PCDH11X: variants seen among roughly 807,000 people sequenced by gnomAD.
The protein encoded by PCDH11X is protocadherin 11 X-linked.
In PCDH11X, 18 loss-of-function variants were observed where a neutral mutation model predicts 53.3. That is an observed-to-expected ratio of 0.34 (90% CI 0.23 to 0.50). PCDH11X has a LOEUF of 0.50. PCDH11X is among the 20% of genes least tolerant of loss of function. PCDH11X has a pLI of 0.98. For synonymous variants in PCDH11X, 279 were observed against 393.3 expected (o/e 0.71, Z 3.44); for missense variants, 570 against 1,032.4 (o/e 0.55, Z 6.14).
intron 5 of PCDH11X, among the ~76,000 whole-genome samples, chrX:91,867,168 TG>T (rs1437214400): frequency 8.9e-6 from 1 of 111,774 alleles, no homozygotes; most frequent in Non-Finnish European, 1.9e-5. Context: ...GAGATTATAT[TG>T]TATTGATGCC....
intron 7 of PCDH11X, among the ~76,000 whole-genome samples, chrX:92,235,874 T>A (rs907877505): frequency 9.0e-6 from 1 of 110,819 alleles, no homozygotes; most frequent in Non-Finnish European, 1.9e-5. Context: ...GGTAGGATTT[T>A]GGCTTTCTTT....
intron 6 of PCDH11X, among the ~76,000 whole-genome samples, chrX:92,038,762 G>A (rs1024107544): frequency 4.7e-5 from 5 of 106,828 alleles, no homozygotes; most frequent in Non-Finnish European, 7.7e-5. Context: ...AAATGGGGAC[G>A]GGTCTTTCCT....
intron 5 of PCDH11X, among the ~76,000 whole-genome samples, chrX:91,870,290 C>T (rs916597887): frequency 6.3e-5 from 7 of 111,189 alleles, no homozygotes; most frequent in African/African-American, 2.3e-4. Context: ...TGATTGTTCT[C>T]TCAGATGGAG....
At chrX:92,265,417 T>C (rs2067808452) in intron 8 of PCDH11X, among the ~76,000 whole-genome samples, 1 of 110,704 alleles carries the variant, frequency 9.0e-6, no homozygotes, top group South Asian at 3.9e-4. Context: ...CCTGACAAAA[T>C]TTGGGTTAAA....
chrX:92,110,664 G>C (rs1382791323), intron 6 of PCDH11X, among the ~76,000 whole-genome samples: 41 of 111,245 alleles, frequency 3.7e-4, no homozygotes, highest in Non-Finnish European at 7.2e-4. Flanking sequence ...GTAAAGATAA[G>C]CTATCAATTT....
chrX:92,347,164 A>G (rs758401595), intron 8 of PCDH11X, among the ~76,000 whole-genome samples: 3 of 111,884 alleles, frequency 2.7e-5, no homozygotes, highest in African/African-American at 9.7e-5. Flanking sequence ...GCATATGTGG[A>G]CATATCTGTG....
chrX:91,780,265 G>C (rs1384911363), intron 1 of PCDH11X, among the ~76,000 whole-genome samples: 3 of 111,703 alleles, frequency 2.7e-5, no homozygotes, highest in African/African-American at 9.8e-5. Flanking sequence ...GGAGAGCCAG[G>C]AGCGCACAGG....
chrX:92,049,643 AAAAT>A (rs1474833736), intron 6 of PCDH11X, among the ~76,000 whole-genome samples: 3 of 112,103 alleles, frequency 2.7e-5, no homozygotes, highest in African/African-American at 9.7e-5. Context: ...ATTTTAATTA[AAAAT>A]AAATATTCTG....
chrX:91,913,977 A>C (rs993807155), intron 6 of PCDH11X, among the ~76,000 whole-genome samples: 4 of 110,573 alleles, frequency 3.6e-5, no homozygotes, highest in African/African-American at 1.3e-4. Context: ...TATTAACAAC[A>C]AAGAGCTCTC....
intron 7 of PCDH11X, among the ~76,000 whole-genome samples, chrX:92,219,377 A>T (rs1398594084): frequency 9.0e-6 from 1 of 111,093 alleles, no homozygotes; most frequent in East Asian, 2.8e-4. Flanking sequence ...ATGTACAAAA[A>T]TCACAAGCAT....
intron 6 of PCDH11X, among the ~76,000 whole-genome samples, chrX:91,956,118 TC>T (rs2061706779): frequency 9.0e-6 from 1 of 111,206 alleles, no homozygotes; most frequent in Admixed American, 9.6e-5. Flanking sequence ...TAAATTTTCC[TC>T]CATACCTTTA....
chrX:91,852,077 G>A (rs576351129), intron 5 of PCDH11X, among the ~76,000 whole-genome samples: 1 of 99,064 alleles, frequency 1.0e-5, no homozygotes, highest in Admixed American at 1.1e-4. Context: ...GCAATGGCAC[G>A]ATCTCGGCTC....
chrX:92,485,603 G>A (rs1197820660), intron 10 of PCDH11X, among the ~76,000 whole-genome samples: 1 of 111,230 alleles, frequency 9.0e-6, no homozygotes, highest in Non-Finnish European at 1.9e-5. Flanking sequence ...TGATGAAATG[G>A]CCAGTTATGT....
intron 8 of PCDH11X, among the ~76,000 whole-genome samples, chrX:92,370,087 T>A (rs1185894340): frequency 9.2e-6 from 1 of 108,744 alleles, no homozygotes. Flanking sequence ...ATTTTTTGCA[T>A]GTTGTGTTTT....
intron 10 of PCDH11X, among the ~76,000 whole-genome samples, chrX:92,499,636 C>CAAAA (rs57761605): frequency 3.5e-4 from 6 of 17,277 alleles, no homozygotes; most frequent in Non-Finnish European, 4.6e-4. Context: ...CCTGTCTCTA[C>CAAAA]AAAAAAAAAA....
At chrX:91,861,422 C>A (rs1458538672) in intron 5 of PCDH11X, among the ~76,000 whole-genome samples, 1 of 109,585 alleles carries the variant, frequency 9.1e-6, no homozygotes, top group African/African-American at 3.3e-5. Context: ...GGAGGCCTTG[C>A]CCAGTGAACA....
chrX:92,315,598 C>G (rs1279795821), intron 8 of PCDH11X, among the ~76,000 whole-genome samples: 5 of 111,078 alleles, frequency 4.5e-5, no homozygotes, highest in Non-Finnish European at 9.4e-5. Context: ...GTGCAGTGAT[C>G]CAATCACAGC....
At chrX:92,507,415 G>C (rs958437890) in intron 10 of PCDH11X, among the ~76,000 whole-genome samples, 3 of 111,073 alleles carry the variant, frequency 2.7e-5, no homozygotes, top group African/African-American at 9.8e-5. Flanking sequence ...AGAGATTCTG[G>C]TATATTGTAT....
At chrX:91,790,353 T>C (rs1044749156) in intron 1 of PCDH11X, among the ~76,000 whole-genome samples, 1 of 111,737 alleles carries the variant, frequency 8.9e-6, no homozygotes, top group African/African-American at 3.3e-5. Flanking sequence ...TGTACCAGTA[T>C]CTTAAAATCT....
Sources: allele counts gnomAD v4.1 joint callset (sites outside exome capture counted in the v4.1 genomes callset), GRCh38; gene constraint gnomAD v4.1.1; transcripts MANE v1.5; gene names NCBI Gene and HGNC (gene_info 2026-07-23, HGNC 2026-07-21).